Variants in EIF4A3 observed in about 807,000 individuals in gnomAD.
The protein encoded by EIF4A3 is eukaryotic initiation factor 4A-III.
A neutral mutation model predicts 55.6 loss-of-function variants in EIF4A3; 1 was observed. The ratio of observed to expected loss-of-function variants is 0.02; its 90% CI spans 0.01 to 0.09. The LOEUF is 0.09. Ranked by LOEUF, EIF4A3 falls within the 10% of genes least tolerant of loss-of-function variation. The pLI is 1.00. For synonymous variants in EIF4A3, 194 were observed against 196.3 expected (o/e 0.99, Z 0.10); for missense variants, 221 against 540.7 (o/e 0.41, Z 5.86).
chr17:80,141,226 C>G, intron 4 of EIF4A3, 93 bp downstream of exon 4: 1 of 1,320,096 alleles, frequency 7.6e-7, no homozygotes, highest in Non-Finnish European at 1.0e-6. Context: ...TATCAGAAAA[C>G]AGGATTGGAT....
rs1282465927 is a variant in EIF4A3 at position 80,147,021 on chromosome 17, ACCT to A, written c.-63_-61del. On this transcript the variant is annotated 5_prime_UTR_variant, in exon 1 of 12. Transcript: ENST00000649764. The stretch of plus-strand genomic sequence containing the variant: ...GCTGCCGACCTCGCTGCCGCTGCCG[ACCT>A]CGCTGTGCCGCTGCCGACCTCGCTG... The A allele has an allele frequency of 7.1e-7, 1 of 1,399,970 alleles. No individual in the cohort carries two copies. Among genetic ancestry groups the A allele is most frequent in the African/African-American group, 1.8e-5 (1 of 55,218 alleles). 86.7% of individuals were successfully genotyped at this position (1,399,970 alleles called of 1,614,324 possible).
chr17:80,135,666 T>A (rs1275104649), intron 11 of EIF4A3, 160 bp from the exon 12 acceptor site: 2 of 665,466 alleles, frequency 3.0e-6, no homozygotes, highest in Non-Finnish European at 5.2e-6. Context: ...GAGGCTGAGG[T>A]GGGCAGATCA....
chr17:80,137,371 G>A lies in EIF4A3; in HGVS notation c.983+15C>T. On this transcript the variant is annotated intron_variant, in intron 9 of 11. Transcript: ENST00000649764. Reference sequence around the variant, plus strand: ...GCAAACCCTGACCTGCAGAGCCACAGCATAGCAGACCCACCTGGCGCCCGA... The same window carrying A: ...GCAAACCCTGACCTGCAGAGCCACAACATAGCAGACCCACCTGGCGCCCGA... 6.2e-7 allele frequency: 1 copy of A among 1,610,358 alleles called. No homozygotes were observed. Among genetic ancestry groups the A allele is most frequent in the East Asian group, 2.2e-5 (1 of 44,816 alleles).
At chr17:80,140,178 G>C in intron 4 of EIF4A3, 38 bp from the exon 5 acceptor site, 1 of 1,493,356 alleles carries the variant, frequency 6.7e-7, no homozygotes. Context: ...GGGTGGGAGA[G>C]AGAAACATCC....
chr17:80,141,613 GA>G, intron 3 of EIF4A3, 168 bp downstream of exon 3: 1 of 729,680 alleles, frequency 1.4e-6, no homozygotes, highest in Non-Finnish European at 2.2e-6. Flanking sequence ...AATCATGACA[GA>G]ATATTAGTGC....
At chr17:80,136,590 G>T in intron 9 of EIF4A3, 1 of 515,026 alleles carries the variant, frequency 1.9e-6, no homozygotes, top group African/African-American at 1.9e-5. Context: ...TCTTTTACTA[G>T]ACTATCTTTA....
Position 80,135,247 on chromosome 17 carries a change from G to T in EIF4A3, c.*243C>A, listed in dbSNP as rs1335355169. 1.4e-5 allele frequency: 6 copies of T among 427,428 alleles called. No individual in the cohort carries two copies. Among genetic ancestry groups the T allele is most frequent in the Non-Finnish European group, 2.5e-5 (6 of 238,720 alleles). 26.5% of individuals were successfully genotyped at this position (427,428 alleles called of 1,614,324 possible). Reference sequence around the variant, plus strand: ...TAGAGAAGGTGGTGGCACCTTAGAAGTATAGAGTTTATGGGAAAAGTTTTA... The same window carrying T: ...TAGAGAAGGTGGTGGCACCTTAGAATTATAGAGTTTATGGGAAAAGTTTTA... On this transcript the variant is annotated 3_prime_UTR_variant, in exon 12 of 12. Transcript: ENST00000649764.
chr17:80,146,255 C>T (rs1348259715), intron 1 of EIF4A3, among the ~76,000 whole-genome samples: 1 of 151,976 alleles, frequency 6.6e-6, no homozygotes, highest in African/African-American at 2.4e-5. Context: ...TCATAACAGT[C>T]TCCTTCATCC....
At position 80,134,670 on chromosome 17, in the gene EIF4A3, A is replaced by T. The variant is rs1454317511; in HGVS notation, c.*820T>A. Among the ~76,000 whole-genome samples, 2 of 152,178 alleles carry T rather than the reference A, an allele frequency of 1.3e-5. No homozygotes were observed. The highest frequency in any genetic ancestry group is 2.9e-5 in the Non-Finnish European group (2 of 68,026). On this transcript the variant is annotated 3_prime_UTR_variant, in exon 12 of 12. Transcript: ENST00000649764. ...GAGACCCTGTCTCTACAAAAAATTT[A>T]AATATTAGCCAGATGTGCTGGCATG...
intron 2 of EIF4A3, 99 bp downstream of exon 2, chr17:80,144,073 C>T (rs994251911): frequency 1.4e-5 from 16 of 1,115,898 alleles, no homozygotes; most frequent in Admixed American, 1.2e-4. Flanking sequence ...TGGAACTGAG[C>T]GTGTACAAGC....
chr17:80,146,054 G>A (rs1195457981), intron 1 of EIF4A3, among the ~76,000 whole-genome samples: 1 of 151,932 alleles, frequency 6.6e-6, no homozygotes, highest in Non-Finnish European at 1.5e-5. Context: ...ACCTTCCACT[G>A]GCTTCCCACT....
chr17:80,142,276 T>C (rs2039624637), intron 2 of EIF4A3, among the ~76,000 whole-genome samples: 1 of 152,224 alleles, frequency 6.6e-6, no homozygotes, highest in Non-Finnish European at 1.5e-5. Flanking sequence ...CTAGGAGATA[T>C]GGCTATATAC....
chr17:80,146,250 A>G (rs2039661674), intron 1 of EIF4A3, among the ~76,000 whole-genome samples: 1 of 151,960 alleles, frequency 6.6e-6, no homozygotes, highest in African/African-American at 2.4e-5. Context: ...TCTTCTCATA[A>G]CAGTCTCCTT....
chr17:80,135,853 C>T, intron 11 of EIF4A3, 151 bp downstream of exon 11: 1 of 1,026,346 alleles, frequency 9.7e-7, no homozygotes, highest in South Asian at 1.6e-5. Flanking sequence ...CGAAATCGCG[C>T]CACTGCACTC....
rs558452388 is a variant in EIF4A3 at position 80,134,640 on chromosome 17, A to C, written c.*850T>G. ...TGAGTGACAGACCAGCCTAGGCCACAAAGTGAGACCCTGTCTCTACAAAAA... is the reference window on the plus strand; with the variant it reads ...TGAGTGACAGACCAGCCTAGGCCACCAAGTGAGACCCTGTCTCTACAAAAA... On this transcript the variant is annotated 3_prime_UTR_variant, in exon 12 of 12. Transcript: ENST00000649764. Among the ~76,000 whole-genome samples, 5 of 152,282 alleles carry C rather than the reference A, an allele frequency of 3.3e-5. No homozygotes were observed. The highest frequency in any genetic ancestry group is 1.2e-4 in the African/African-American group (5 of 41,560).
intron 1 of EIF4A3, among the ~76,000 whole-genome samples, chr17:80,144,790 C>T (rs201814279): frequency 1.9e-4 from 29 of 152,328 alleles, no homozygotes; most frequent in East Asian, 1.5e-3. Context: ...GCGTGGGTCA[C>T]GCTGCAGGGT....
At chr17:80,136,500 C>G (rs1452582985) in intron 9 of EIF4A3, 165 bp from the exon 10 acceptor site, 1 of 613,372 alleles carries the variant, frequency 1.6e-6, no homozygotes, top group Non-Finnish European at 2.9e-6. Context: ...AGGGACAGCA[C>G]CAGAAACCCC....
rs1000379031 is a variant in EIF4A3 at position 80,134,576 on chromosome 17, C to T, written c.*914G>A. ...TGGTGGCTCACACCTGTTATCCCAG[C>T]ACTTTGTAAGGCCAAGATGGGAGAA... On this transcript the variant is annotated 3_prime_UTR_variant, in exon 12 of 12. Transcript: ENST00000649764. Among the ~76,000 whole-genome samples the T allele has an allele frequency of 5.3e-5, 8 of 151,936 alleles. No homozygotes were observed. Among genetic ancestry groups the T allele is most frequent in the African/African-American group, 1.9e-4 (8 of 41,366 alleles).
At position 80,139,199 on chromosome 17, in the gene EIF4A3, G is replaced by A. The variant is rs139991637; in HGVS notation, c.587-37C>T. 189 of 1,609,498 alleles carry A rather than the reference G, an allele frequency of 1.2e-4. 1 individual carries two copies. The East Asian group carries it at 4.2e-3, about 36-fold the overall frequency. On this transcript the variant is annotated intron_variant, in intron 6 of 11. Coordinates refer to ENST00000649764, the MANE Select transcript of EIF4A3 (RefSeq NM_014740.4). Reference sequence around the variant, plus strand: ...AGCAAGACAGGTGAGGGATGTTTAGGGCGGCACACCCAGAAATGGAAGGTG... The same window carrying A: ...AGCAAGACAGGTGAGGGATGTTTAGAGCGGCACACCCAGAAATGGAAGGTG...
Sources: gnomAD v4.1 joint callset for allele counts (sites outside exome capture counted in the v4.1 genomes callset) on GRCh38, gnomAD v4.1.1 for gene constraint, MANE v1.5 for transcripts, NCBI Gene and HGNC (gene_info 2026-07-23, HGNC 2026-07-21) for gene names.